Variants in RPH3A observed in about 807,000 individuals in gnomAD.
The protein encoded by RPH3A is rabphilin 3A.
In RPH3A, 48 loss-of-function variants were observed where a neutral mutation model predicts 102.2. The observed-to-expected ratio is 0.47, with a 90% CI of 0.37 to 0.60. The LOEUF (loss-of-function observed/expected upper bound fraction) is 0.60, where lower values mean the gene tolerates loss of function less well. RPH3A is among the 20% of genes least tolerant of loss of function. RPH3A has a pLI of 0.00. For synonymous variants in RPH3A, 310 were observed against 324.3 expected (o/e 0.96, Z 0.47); for missense variants, 781 against 910.1 (o/e 0.86, Z 1.83).
intron 1 of RPH3A, among the ~76,000 whole-genome samples, chr12:112,733,604 C>T (rs2040648947): frequency 6.6e-6 from 1 of 152,178 alleles, no homozygotes; most frequent in African/African-American, 2.4e-5. Context: ...CTGCCATGCC[C>T]AGTCATTGAC....
Position 112,755,601 on chromosome 12 carries a change from C to T in RPH3A, c.-139-36542C>T, listed in dbSNP as rs2040818548. ...TGCCCTCTTGAGCTCCATGATCCCT[C>T]GTGAGAAGAGCATGCCCTGGTTAAC... On this transcript the variant is annotated intron_variant, in intron 1 of 21. Transcript: ENST00000543106. 3.3e-5 allele frequency among the ~76,000 whole-genome samples: 5 copies of T among 152,188 alleles called. 1 individual carries two copies. The highest frequency in any genetic ancestry group is 6.8e-3 in the Middle Eastern group (2 of 294).
intron 1 of RPH3A, among the ~76,000 whole-genome samples, chr12:112,599,862 G>A (rs1247467484): frequency 6.6e-6 from 1 of 152,158 alleles, no homozygotes; most frequent in Non-Finnish European, 1.5e-5. Context: ...CCTGCATAGT[G>A]GTTAATAGGC....
intron 16 of RPH3A, among the ~76,000 whole-genome samples, chr12:112,885,915 A>C (rs1327335676): frequency 2.0e-5 from 3 of 152,080 alleles, no homozygotes. Flanking sequence ...TTGCCTTATG[A>C]TATATTTGAG....
rs1020237096 is a variant in RPH3A, at chr12:112,673,753, GC to G, written c.-140+98435del. ...TTATTGACTATAGTCACCCTCTTGT[GC>G]TATCAAATCGTAGGTCTTACTCATT... On this transcript the variant is annotated intron_variant, in intron 1 of 21. Coordinates refer to the RPH3A transcript ENST00000543106. Among the ~76,000 whole-genome samples, 3 of 152,170 alleles carry G rather than the reference GC, an allele frequency of 2.0e-5. No individual in the cohort carries two copies. The East Asian group carries it at 5.8e-4, about 29-fold the overall frequency.
intron 1 of RPH3A, among the ~76,000 whole-genome samples, chr12:112,612,609 G>A (rs2039647680): frequency 7.0e-6 from 1 of 143,602 alleles, no homozygotes; most frequent in Non-Finnish European, 1.5e-5. Flanking sequence ...CTGTCACCCA[G>A]GCTGGAGTGC....
At chr12:112,806,969 G>C (rs1317798938) in intron 2 of RPH3A, among the ~76,000 whole-genome samples, 1 of 150,208 alleles carries the variant, frequency 6.7e-6, no homozygotes, top group Non-Finnish European at 1.5e-5. Flanking sequence ...GTAAAGAGAG[G>C]AGAAAAAAAC....
At chr12:112,752,584 G>T (rs1324477541) in intron 1 of RPH3A, among the ~76,000 whole-genome samples, 1 of 131,000 alleles carries the variant, frequency 7.6e-6, no homozygotes. Flanking sequence ...CGTTATATGA[G>T]CAGGCAAGTC....
intron 8 of RPH3A, chr12:112,868,876 A>G: frequency 3.3e-6 from 1 of 307,514 alleles, no homozygotes. Flanking sequence ...TAAAATTAGG[A>G]ACTGAGAGAG....
At chr12:112,797,329 C>T (rs1406198881) in intron 2 of RPH3A, among the ~76,000 whole-genome samples, 1 of 152,078 alleles carries the variant, frequency 6.6e-6, no homozygotes, top group Non-Finnish European at 1.5e-5. Flanking sequence ...GTGAAGCAGG[C>T]TTGGTTTCTT....
chr12:112,871,966 G>A (rs377601138), intron 10 of RPH3A, among the ~76,000 whole-genome samples: 87 of 151,610 alleles, frequency 5.7e-4, no homozygotes, highest in African/African-American at 2.0e-3. Flanking sequence ...TGGGAGTTTG[G>A]TTTATTTCAA....
At chr12:112,683,529 G>A (rs2040241085) in intron 1 of RPH3A, among the ~76,000 whole-genome samples, 1 of 152,166 alleles carries the variant, frequency 6.6e-6, no homozygotes, top group Non-Finnish European at 1.5e-5. Context: ...GAGGAGGAGT[G>A]AGGGACAGGA....
intron 13 of RPH3A, among the ~76,000 whole-genome samples, chr12:112,877,419 T>TACACACACACACACACACACACAC (rs3038114): frequency 6.4e-5 from 9 of 141,564 alleles, no homozygotes; most frequent in Admixed American, 4.2e-4. Flanking sequence ...CACACACGTA[T>TACACACACACACACACACACACAC]ACACACACAC....
At chr12:112,770,697 T>C (rs1016627475) in intron 1 of RPH3A, among the ~76,000 whole-genome samples, 3 of 152,210 alleles carry the variant, frequency 2.0e-5, no homozygotes, top group African/African-American at 4.8e-5. Context: ...TTTCCAGTAA[T>C]TACCCTGCTA....
At chr12:112,794,344 C>T (rs1419843825) in intron 2 of RPH3A, among the ~76,000 whole-genome samples, 3 of 152,214 alleles carry the variant, frequency 2.0e-5, no homozygotes, top group Non-Finnish European at 2.9e-5. Context: ...AGTGACTGCA[C>T]ATGCCCACAT....
intron 17 of RPH3A, 25 bp downstream of exon 17, chr12:112,887,948 T>C: frequency 6.2e-7 from 1 of 1,610,998 alleles, no homozygotes; most frequent in Non-Finnish European, 8.5e-7. Context: ...CCTGAGGATC[T>C]GATGGGAGGA....
At position 112,713,098 on chromosome 12, in the gene RPH3A, T is replaced by C. The variant is rs182172529; in HGVS notation, c.-139-79045T>C. ...CTTCTTCTTCTTCTTCTTCTTCTTC[T>C]TCTTTTATTTTTTTGTAGAGAAAGG... On this transcript the variant is annotated intron_variant, in intron 1 of 21. Transcript: ENST00000543106. Among the ~76,000 whole-genome samples, 121 of 137,450 alleles carry C rather than the reference T, an allele frequency of 8.8e-4. 2 individuals carry two copies. The highest frequency in any genetic ancestry group is 3.1e-3 in the African/African-American group (118 of 37,854). The allele number at this position is 137,450 out of a possible 152,430, so 90.2% of individuals were successfully genotyped here. A position where few individuals can be genotyped will look rare whatever the true frequency, so the allele number is the denominator to read the frequency against.
At chr12:112,619,254 G>A (rs1350973650) in intron 1 of RPH3A, among the ~76,000 whole-genome samples, 5 of 119,884 alleles carry the variant, frequency 4.2e-5, no homozygotes, top group Admixed American at 3.2e-4. Context: ...TTCTGTGTGT[G>A]TGTGTGTGTG....
chr12:112,683,798 T>C (rs2040243834), intron 1 of RPH3A, among the ~76,000 whole-genome samples: 1 of 152,090 alleles, frequency 6.6e-6, no homozygotes, highest in African/African-American at 2.4e-5. Flanking sequence ...TGGAGAAAGC[T>C]CCCAGGCAGA....
At chr12:112,892,501 C>T (rs952336805) in intron 19 of RPH3A, among the ~76,000 whole-genome samples, 1 of 152,190 alleles carries the variant, frequency 6.6e-6, no homozygotes, top group Non-Finnish European at 1.5e-5. Flanking sequence ...AATCCTTGAG[C>T]ACAGTCACCC....
Sources: allele counts gnomAD v4.1 joint callset (sites outside exome capture counted in the v4.1 genomes callset), GRCh38; gene constraint gnomAD v4.1.1; transcripts MANE v1.5; gene names NCBI Gene and HGNC (gene_info 2026-07-23, HGNC 2026-07-21).